DIAPH1: variants seen among roughly 807,000 people sequenced by gnomAD.
The protein encoded by DIAPH1 is protein diaphanous homolog 1.
DIAPH1 carries 46 observed loss-of-function variants against 140.7 expected under a neutral mutation model. The ratio of observed to expected loss-of-function variants is 0.33; its 90% confidence interval spans 0.26 to 0.42. The LOEUF is 0.42. DIAPH1 is among the 10% of genes least tolerant of loss of function. The probability of loss-of-function intolerance (pLI) is 1.00; values close to 1 mark genes in which losing one functional copy is unlikely to be tolerated. For synonymous variants in DIAPH1, 565 were observed against 551.6 expected, an observed-to-expected ratio of 1.02 and a Z score of -0.34; for missense variants, 1,310 against 1,558.7, an observed-to-expected ratio of 0.84 and a Z score of 2.69.
rs760850451 is a variant in DIAPH1, at chr5:141,528,879, G to A, written c.2841C>T (p.Ser947=). Residue 947 remains serine (S), a synonymous_variant, in exon 22 of 28, where the codon AGC becomes AGT. Transcript: ENST00000389054. The part of the protein sequence containing the change: ...LNAILFKLQF[S]EQVENIKPEI... ...CTGGCTTGATATTCTCCACTTGCTCGCTGAATTGTAGCTTGAAGAGAATGG... is the reference window on the plus strand; with the variant it reads ...CTGGCTTGATATTCTCCACTTGCTCACTGAATTGTAGCTTGAAGAGAATGG... 53 of 1,614,032 alleles carry A rather than the reference G, an allele frequency of 3.3e-5. No homozygotes were observed. The highest frequency in any genetic ancestry group is 6.7e-5 in the Admixed American group (4 of 59,996).
At chr5:141,590,343 C>T (rs947078425) in intron 1 of DIAPH1, among the ~76,000 whole-genome samples, 5 of 152,128 alleles carry the variant, frequency 3.3e-5, no homozygotes, top group African/African-American at 1.2e-4. Context: ...CTCACCCAAA[C>T]CATGAGAATC....
At position 141,524,142 on chromosome 5, in the gene DIAPH1, C is replaced by T. The variant is rs1476157529; in HGVS notation, c.3661+1G>A. On this transcript the variant is annotated splice_donor_variant, in intron 27 of 27. Transcript: ENST00000389054. LOFTEE classifies it high-confidence loss of function. ...AGGATGAGCTCCATGTGCTTACTTA[C>T]CTTGACGGGGCCCTCTCTTCCGTCG... 6.2e-7 allele frequency: 1 copy of T among 1,614,070 alleles called. No homozygotes were observed. Among genetic ancestry groups the T allele is most frequent in the Non-Finnish European group, 8.5e-7 (1 of 1,179,982 alleles).
rs2099896039 is a variant in DIAPH1 at position 141,576,850 on chromosome 5, A to C, written c.1302T>G (p.Ile434Met). 1.2e-6 allele frequency: 2 copies of C among 1,611,754 alleles called. No homozygotes were observed. Residue 434 changes from isoleucine to methionine, a missense_variant, in exon 13 of 28, where the codon ATT (isoleucine) becomes ATG (methionine). Around this residue, in one of 3 missense-constraint regions of DIAPH1, gnomAD observed 589 missense variants for 549.3 expected, o/e 1.07. Coordinates refer to ENST00000389054, the MANE Select transcript of DIAPH1 (RefSeq NM_005219.5). ...YEARPQYYKLIEECISQIVLH... is the reference protein window; with the variant it reads ...YEARPQYYKLMEECISQIVLH... ...GAACTATCTGGGAAATACATTCTTC[A>C]ATCAACTTATAGTACTGAGGTCTAC...
chr5:141,547,470 T>C (rs545872235), intron 18 of DIAPH1, among the ~76,000 whole-genome samples: 1 of 151,666 alleles, frequency 6.6e-6, no homozygotes, highest in South Asian at 2.1e-4. Flanking sequence ...CAAAAATAAA[T>C]AAATAAAAAT....
intron 18 of DIAPH1, among the ~76,000 whole-genome samples, chr5:141,541,458 C>A (rs934414175): frequency 5.3e-5 from 8 of 152,024 alleles, no homozygotes; most frequent in African/African-American, 1.4e-4. Flanking sequence ...GAGGCCAAGG[C>A]AGGTTGATCA....
At chr5:141,568,083 TAA>T (rs896897171) in intron 18 of DIAPH1, among the ~76,000 whole-genome samples, 2 of 152,134 alleles carry the variant, frequency 1.3e-5, no homozygotes, top group African/African-American at 2.4e-5. Flanking sequence ...AACCTAAAAA[TAA>T]AAGTCACTGT....
intron 18 of DIAPH1, chr5:141,564,450 C>T (rs1428864429): frequency 1.3e-5 from 2 of 152,222 alleles, no homozygotes; most frequent in Non-Finnish European, 2.9e-5. Flanking sequence ...ATATCAAATT[C>T]CCACGGTTGA....
intron 1 of DIAPH1, among the ~76,000 whole-genome samples, chr5:141,610,951 T>C (rs1183604220): frequency 6.6e-6 from 1 of 151,338 alleles, no homozygotes; most frequent in Non-Finnish European, 1.5e-5. Context: ...CAGCCAGGCA[T>C]TGTGGTGCAT....
intron 23 of DIAPH1, among the ~76,000 whole-genome samples, chr5:141,527,975 A>G (rs2099887645): frequency 6.6e-6 from 1 of 152,224 alleles, no homozygotes; most frequent in Non-Finnish European, 1.5e-5. Context: ...ATTTAATTTA[A>G]CATGAATCTA....
Position 141,602,223 on chromosome 5 carries a change from A to AT in DIAPH1, c.118-13974dup, listed in dbSNP as rs869250134. The stretch of plus-strand genomic sequence containing the variant: ...TGATCTAGCTTTGCCACAAAAAAAA[A>AT]TTTTTTTTTTTGAGACGAAGTCTCA... On this transcript the variant is annotated intron_variant, in intron 1 of 27. Coordinates refer to ENST00000389054, the MANE Select transcript of DIAPH1 (RefSeq NM_005219.5). 8.4e-3 allele frequency among the ~76,000 whole-genome samples: 1,258 copies of AT among 149,480 alleles called. 19 individuals are homozygous for AT. Among genetic ancestry groups the AT allele is most frequent in the African/African-American group, 0.027 (1,097 of 40,804 alleles).
At chr5:141,542,538 A>G (rs1158176319) in intron 18 of DIAPH1, among the ~76,000 whole-genome samples, 1 of 152,240 alleles carries the variant, frequency 6.6e-6, no homozygotes, top group African/African-American at 2.4e-5. Context: ...TGAGCTACTG[A>G]TAACATGATA....
chr5:141,613,464 T>C (rs2099902161), intron 1 of DIAPH1, among the ~76,000 whole-genome samples: 1 of 152,230 alleles, frequency 6.6e-6, no homozygotes, highest in African/African-American at 2.4e-5. Flanking sequence ...CTCCTCTTCC[T>C]CCACTTGTTC....
chr5:141,555,610 T>G (rs2099892449), intron 18 of DIAPH1, among the ~76,000 whole-genome samples: 1 of 152,140 alleles, frequency 6.6e-6, no homozygotes, highest in Non-Finnish European at 1.5e-5. Flanking sequence ...TCCCTCACCC[T>G]AAAAACAACA....
At chr5:141,576,100 T>C in intron 14 of DIAPH1, 130 bp downstream of exon 14, 2 of 772,126 alleles carry the variant, frequency 2.6e-6, no homozygotes, top group South Asian at 1.5e-5. Context: ...AGGTTTCCCC[T>C]GGGAACTACA....
chr5:141,598,398 C>T (rs2099899643), intron 1 of DIAPH1, among the ~76,000 whole-genome samples: 1 of 152,150 alleles, frequency 6.6e-6, no homozygotes, highest in Non-Finnish European at 1.5e-5. Context: ...ATGAGCTTCT[C>T]TTCTCCAAAA....
intron 27 of DIAPH1, among the ~76,000 whole-genome samples, chr5:141,520,087 C>T (rs942708366): frequency 3.3e-5 from 5 of 152,080 alleles, no homozygotes; most frequent in African/African-American, 1.2e-4. Context: ...CTTTATAAAA[C>T]GTAGGCTAGG....
intron 18 of DIAPH1, among the ~76,000 whole-genome samples, chr5:141,560,375 A>G (rs1236113159): frequency 6.6e-6 from 1 of 152,180 alleles, no homozygotes; most frequent in Non-Finnish European, 1.5e-5. Context: ...CCTTTCACTA[A>G]GTGCTGGATT....
rs148686869 is a variant in DIAPH1, at chr5:141,516,484, G to T, written c.*367C>A. 2.0e-4 allele frequency: 68 copies of T among 339,894 alleles called. No homozygotes were observed. Among genetic ancestry groups the T allele is most frequent in the African/African-American group, 1.1e-3 (50 of 47,466 alleles). 21.1% of individuals were successfully genotyped at this position (339,894 alleles called of 1,614,324 possible). A position where few individuals can be genotyped will look rare whatever the true frequency, so the allele number is the denominator to read the frequency against. Reference sequence around the variant, plus strand: ...CACAAATCCAGCAAGACTGACCTAGGGGGGAAAGCCCATTAGAAAGTCAGG... The same window carrying T: ...CACAAATCCAGCAAGACTGACCTAGTGGGGAAAGCCCATTAGAAAGTCAGG... On this transcript the variant is annotated 3_prime_UTR_variant, in exon 28 of 28. Coordinates refer to ENST00000389054, the MANE Select transcript of DIAPH1 (RefSeq NM_005219.5).
chr5:141,518,792 G>C (rs1163494008), intron 27 of DIAPH1: 2 of 738,172 alleles, frequency 2.7e-6, no homozygotes, highest in Non-Finnish European at 4.7e-6. Context: ...AAAGTTCTGG[G>C]ATTACAAGCA....
Sources: allele counts gnomAD v4.1 joint callset (sites outside exome capture counted in the v4.1 genomes callset), GRCh38; gene constraint gnomAD v4.1.1; regional missense constraint gnomAD v4.1.1; transcripts MANE v1.5; gene names NCBI Gene and HGNC (gene_info 2026-07-23, HGNC 2026-07-21).